The following TUBGCP5 variants were observed in gnomAD, a reference collection of about 807,000 sequenced individuals.
The protein encoded by TUBGCP5 is tubulin gamma complex component 5, also known as gamma-tubulin complex component 5.
TUBGCP5 carries 98 observed loss-of-function variants against 134.7 expected under a neutral mutation model. That is an observed-to-expected ratio of 0.73 (90% CI 0.62 to 0.86). TUBGCP5 has a LOEUF of 0.86. Among genes scored for constraint, TUBGCP5 ranks in the 40% least tolerant of loss-of-function variants. The probability of loss-of-function intolerance (pLI) is 0.00; values close to 1 mark genes in which losing one functional copy is unlikely to be tolerated. For synonymous variants in TUBGCP5, 456 were observed against 431.4 expected (o/e 1.06, Z -0.71); for missense variants, 1,150 against 1,244.8 (o/e 0.92, Z 1.15).
intron 6 of TUBGCP5, among the ~76,000 whole-genome samples, chr15:23,030,600 T>TAAAAAAAAAAA (rs1567162272): frequency 8.4e-6 from 1 of 118,774 alleles, no homozygotes; most frequent in African/African-American, 3.3e-5. Context: ...CCTTCTCCAA[T>TAAAAAAAAAAA]TAAAAAAAAA....
chr15:23,032,358 C>CACAT (rs2066357294), intron 4 of TUBGCP5, among the ~76,000 whole-genome samples: 1 of 152,132 alleles, frequency 6.6e-6, no homozygotes, highest in East Asian at 1.9e-4. Flanking sequence ...GTAGTATGTG[C>CACAT]ACATAACCTA....
In TUBGCP5 at chr15:22,987,249, A is replaced by T. The variant is rs144501554; in HGVS notation, c.*62-3638T>A. 3.7e-3 allele frequency among the ~76,000 whole-genome samples: 555 copies of T among 151,390 alleles called. 6 individuals are homozygous for T. Among genetic ancestry groups the T allele is most frequent in the Non-Finnish European group, 5.9e-3 (402 of 67,876 alleles). On this transcript the variant is annotated intron_variant and NMD_transcript_variant, in intron 23 of 23. Coordinates refer to the TUBGCP5 transcript ENST00000614508. ...CTTGGGAGGCTGAGGCAGGAGAATC[A>T]CTTGAATGGGGGAGGCGGAGGTTGT... is the stretch of plus-strand genomic sequence containing the variant.
chr15:23,000,535 C>A (rs1407778914), intron 22 of TUBGCP5, 34 bp downstream of exon 22: 1 of 1,602,278 alleles, frequency 6.2e-7, no homozygotes, highest in East Asian at 2.2e-5. Context: ...CAAGGAAATA[C>A]AGAGGTAGAA....
At chr15:23,019,356 G>A (rs1024407059) in intron 11 of TUBGCP5, 22 bp from the exon 12 acceptor site, 1 of 1,551,672 alleles carries the variant, frequency 6.4e-7, no homozygotes, top group Non-Finnish European at 8.9e-7. Context: ...AGTGTGCACG[G>A]TCAGCTCTCA....
chr15:22,990,229 CCTT>C (rs2063805974), intron 23 of TUBGCP5, among the ~76,000 whole-genome samples: 1 of 151,876 alleles, frequency 6.6e-6, no homozygotes, highest in African/African-American at 2.4e-5. Context: ...CACTCCCCCT[CCTT>C]CTCCCACTCC....
At chr15:23,034,359 G>A (rs2066468279) in intron 3 of TUBGCP5, among the ~76,000 whole-genome samples, 1 of 152,132 alleles carries the variant, frequency 6.6e-6, no homozygotes, top group African/African-American at 2.4e-5. Context: ...CAGGGATGTT[G>A]GAATTATCAG....
intron 8 of TUBGCP5, 28 bp from the exon 9 acceptor site, chr15:23,024,858 G>A (rs758596577): frequency 1.1e-5 from 14 of 1,319,438 alleles, no homozygotes; most frequent in Middle Eastern, 1.8e-4. Flanking sequence ...AAAGACGAGT[G>A]TACTTTAAGT....
Position 23,039,432 on chromosome 15 carries a change from G to T in TUBGCP5, c.112C>A (p.Gln38Lys). Residue 38 changes from glutamine to lysine, a missense_variant, in exon 1 of 23, where the codon CAG becomes AAG. Transcript: ENST00000615383. ...GACCAGGCGAAGTTTAGGGCGAGCTGGAAGTTGGGGTCTGCCTCGTCCTGG... is the reference window on the plus strand; with the variant it reads ...GACCAGGCGAAGTTTAGGGCGAGCTTGAAGTTGGGGTCTGCCTCGTCCTGG... ...GLQDEADPNF[Q>K]LALNFAWSNF... 2 of 1,532,878 alleles carry T rather than the reference G, an allele frequency of 1.3e-6. No individual in the cohort carries two copies. The highest frequency in any genetic ancestry group is 2.6e-5 in the East Asian group (1 of 38,546). The allele number at this position is 1,532,878 out of a possible 1,614,324, so 95.0% of individuals were successfully genotyped here.
chr15:23,035,779 G>A (rs2066555303), intron 3 of TUBGCP5, among the ~76,000 whole-genome samples: 1 of 152,146 alleles, frequency 6.6e-6, no homozygotes, highest in Admixed American at 6.5e-5. Flanking sequence ...TTGTGTAAGT[G>A]GGTGGGGGCT....
Position 23,019,352 on chromosome 15 carries a change from C to G in TUBGCP5, c.1372-18G>C, listed in dbSNP as rs534840822. On this transcript the variant is annotated intron_variant, in intron 11 of 22. Coordinates refer to ENST00000615383, the MANE Select transcript of TUBGCP5 (RefSeq NM_052903.6). ...AGGGAGACCTGAGGCAGAGAGTGTG[C>G]ACGGTCAGCTCTCAGGGTTCCCTGG... The G allele has an allele frequency of 1.3e-5, 21 of 1,563,144 alleles. No individual in the cohort carries two copies. In the African/African-American group the frequency reaches 2.8e-4, roughly 21 times the overall value.
At chr15:23,029,875 C>T (rs574449863) in intron 6 of TUBGCP5, among the ~76,000 whole-genome samples, 2 of 149,510 alleles carry the variant, frequency 1.3e-5, no homozygotes, top group South Asian at 2.1e-4. Context: ...AGTGAGACTC[C>T]GTCTCAAAAA....
intron 23 of TUBGCP5, among the ~76,000 whole-genome samples, chr15:22,988,973 C>T (rs932443467): frequency 1.3e-5 from 2 of 151,830 alleles, no homozygotes; most frequent in African/African-American, 4.8e-5. Context: ...GGATCCTGCT[C>T]CTTCCCTTGA....
At position 23,009,936 on chromosome 15, in the gene TUBGCP5, C is replaced by T. The variant is rs781461652; in HGVS notation, c.2144+9G>A. 4.4e-6 allele frequency: 7 copies of T among 1,606,966 alleles called. No homozygotes were observed. The African/African-American group carries it at 5.4e-5, about 12-fold the overall frequency. On this transcript the variant is annotated intron_variant, in intron 15 of 22. Transcript: ENST00000615383. ...ATTTACTACTTCCAAAATTAAATTACTCTTTTACCTGTAATCTTTTTTTAG... is the reference window on the plus strand; with the variant it reads ...ATTTACTACTTCCAAAATTAAATTATTCTTTTACCTGTAATCTTTTTTTAG...
At chr15:23,035,592 C>T (rs2066546586) in intron 3 of TUBGCP5, among the ~76,000 whole-genome samples, 1 of 152,140 alleles carries the variant, frequency 6.6e-6, no homozygotes, top group Admixed American at 6.5e-5. Context: ...GCTGATCTGA[C>T]AGGAGGTGGA....
chr15:23,021,985 T>C lies in TUBGCP5; in HGVS notation c.1345A>G (p.Asn449Asp), dbSNP rs1446320110. Residue 449 changes from asparagine to aspartate, a missense_variant, in exon 11 of 23, where the codon AAT (asparagine) becomes GAT (aspartate). Asn to Asp is a conservative substitution (Grantham distance 23). Around this residue, in one of 2 missense-constraint regions of TUBGCP5, gnomAD observed 697 missense variants for 850.1 expected, o/e 0.82. Transcript: ENST00000615383. ...TLYKAILEYDNVGEASEQTVS... is the reference protein window; with the variant it reads ...TLYKAILEYDDVGEASEQTVS... ...GTTTGCTCAGAGGCTTCTCCAACAT[T>C]GTCATATTCAAGAATGGCCTTGTAC... is the stretch of plus-strand genomic sequence containing the variant. 6.2e-7 allele frequency: 1 copy of C among 1,614,152 alleles called. No homozygotes were observed. The highest frequency in any genetic ancestry group is 8.5e-7 in the Non-Finnish European group (1 of 1,180,022).
intron 6 of TUBGCP5, 116 bp downstream of exon 6, chr15:23,030,769 T>A: frequency 7.8e-7 from 1 of 1,279,402 alleles, no homozygotes; most frequent in Non-Finnish European, 1.1e-6. Context: ...ATTGGTTTTA[T>A]AAGGATGGTA....
intron 23 of TUBGCP5, among the ~76,000 whole-genome samples, chr15:22,990,952 C>T (rs76845659): frequency 0.081 from 12,360 of 152,202 alleles, 605 homozygotes; most frequent in African/African-American, 0.13. Context: ...AAGAATGGCG[C>T]GGCCATGGCC....
At chr15:22,992,043 GTCTC>G (rs1349740352) in intron 23 of TUBGCP5, among the ~76,000 whole-genome samples, 1 of 152,102 alleles carries the variant, frequency 6.6e-6, no homozygotes, top group Non-Finnish European at 1.5e-5. Context: ...CTGGTCTCTG[GTCTC>G]TCTTAGTCAT....
At chr15:23,019,568 T>G (rs907321421) in intron 11 of TUBGCP5, among the ~76,000 whole-genome samples, 2 of 151,784 alleles carry the variant, frequency 1.3e-5, no homozygotes, top group African/African-American at 2.4e-5. Flanking sequence ...GAGACCGAGG[T>G]GGGCGGATCA....
Sources: gnomAD v4.1 joint callset for allele counts (sites outside exome capture counted in the v4.1 genomes callset) on GRCh38, gnomAD v4.1.1 for gene constraint, gnomAD v4.1.1 regional missense constraint, MANE v1.5 for transcripts, NCBI Gene and HGNC (gene_info 2026-07-23, HGNC 2026-07-21) for gene names.